The following EVI5 variants were observed in gnomAD, a reference collection of about 807,000 sequenced individuals.
EVI5 encodes the protein ecotropic viral integration site 5 protein homolog.
In EVI5, 73 loss-of-function variants were observed where a neutral mutation model predicts 112.0. That is an observed-to-expected ratio of 0.65 (90% CI 0.54 to 0.79). EVI5 has a LOEUF of 0.79. Among genes scored for constraint, EVI5 ranks in the 30% least tolerant of loss-of-function variants. The pLI, the probability that EVI5 is intolerant of heterozygous loss-of-function variation, is 0.00. For synonymous variants in EVI5, 305 were observed against 319.9 expected, an observed-to-expected ratio of 0.95 and a Z score of 0.50; for missense variants, 900 against 968.8, an observed-to-expected ratio of 0.93 and a Z score of 0.94.
At chr1:92,776,355 G>A (rs1048360482) in intron 1 of EVI5, among the ~76,000 whole-genome samples, 24 of 152,038 alleles carry the variant, frequency 1.6e-4, no homozygotes, top group East Asian at 9.6e-4. Flanking sequence ...AGCAACATTT[G>A]GGAAGCTACT....
intron 2 of EVI5, among the ~76,000 whole-genome samples, chr1:92,719,117 C>T (rs1457092623): frequency 6.6e-6 from 1 of 150,566 alleles, no homozygotes; most frequent in Non-Finnish European, 1.5e-5. Context: ...ACCAGAGGTA[C>T]AAAGAGGAGA....
intron 14 of EVI5, among the ~76,000 whole-genome samples, chr1:92,630,341 C>T (rs1656729201): frequency 6.6e-6 from 1 of 152,202 alleles, no homozygotes; most frequent in South Asian, 2.1e-4. Context: ...TGTTTCCTGA[C>T]TTTTTAATGA....
chr1:92,661,824 C>T (rs1297912620), intron 13 of EVI5, among the ~76,000 whole-genome samples: 2 of 152,122 alleles, frequency 1.3e-5, no homozygotes, highest in Admixed American at 6.5e-5. Flanking sequence ...TCCTACTTTG[C>T]AGTCACTCTA....
At chr1:92,630,463 CTTCTT>C (rs1656769800) in intron 14 of EVI5, among the ~76,000 whole-genome samples, 1 of 152,146 alleles carries the variant, frequency 6.6e-6, no homozygotes. Context: ...GCATAAGTGT[CTTCTT>C]TTGAGAAGTG....
Position 92,791,887 on chromosome 1 carries a change from C to T in EVI5, c.51+457G>A, listed in dbSNP as rs191534918. Among the ~76,000 whole-genome samples the T allele has an allele frequency of 1.7e-3, 254 of 152,310 alleles. 3 individuals are homozygous for T. Among genetic ancestry groups the T allele is most frequent in the Admixed American group, 0.013 (203 of 15,302 alleles). On this transcript the variant is annotated intron_variant, in intron 1 of 17. Transcript: ENST00000370331. ...CTTCTGAAATCATTGAGAGGCCATG[C>T]AACCATCAACACTGTCACCAAATAG...
rs35991116 is a variant in EVI5 at position 92,651,850 on chromosome 1, C to CAAA, written c.1392+10866_1392+10868dup. On this transcript the variant is annotated intron_variant, in intron 13 of 19. Coordinates refer to ENST00000684568, the MANE Select transcript of EVI5 (RefSeq NM_001350197.2). The stretch of plus-strand genomic sequence containing the variant: ...TGGGCGACAGAGCGAGACTCCGTCT[C>CAAA]AAAAAAAAAAAAAAAAGAAAGAAAT... 6.4e-3 allele frequency among the ~76,000 whole-genome samples: 578 copies of CAAA among 90,604 alleles called. 9 individuals are homozygous for CAAA. Among genetic ancestry groups the CAAA allele is most frequent in the African/African-American group, 0.032 (551 of 17,058 alleles). 59.4% of individuals were successfully genotyped at this position (90,604 alleles called of 152,430 possible).
chr1:92,625,771 G>T, intron 15 of EVI5, 23 bp downstream of exon 15: 1 of 1,600,720 alleles, frequency 6.2e-7, no homozygotes, highest in Non-Finnish European at 8.5e-7. Flanking sequence ...TTTTAAAAAA[G>T]CACACAAAAT....
At chr1:92,602,012 A>G (rs143728004) in intron 18 of EVI5, among the ~76,000 whole-genome samples, 6 of 152,192 alleles carry the variant, frequency 3.9e-5, no homozygotes, top group Non-Finnish European at 7.3e-5. Context: ...CAGTTGGCTC[A>G]TGTCTGAGGT....
chr1:92,711,168 TTC>T (rs1231075101), intron 2 of EVI5, among the ~76,000 whole-genome samples: 1 of 152,160 alleles, frequency 6.6e-6, no homozygotes, highest in African/African-American at 2.4e-5. Context: ...AAAGAATGAG[TTC>T]TCTTTTGAGT....
chr1:92,713,875 C>T (rs901134856), intron 2 of EVI5: 4 of 238,502 alleles, frequency 1.7e-5, no homozygotes, highest in South Asian at 1.5e-4. Flanking sequence ...AATATAAAAA[C>T]GGAACAAATA....
chr1:92,624,864 C>T (rs1043143429), intron 15 of EVI5, among the ~76,000 whole-genome samples: 2 of 152,142 alleles, frequency 1.3e-5, no homozygotes, highest in East Asian at 1.9e-4. Context: ...AATTTTGCCC[C>T]GCCAGGGGAC....
intron 1 of EVI5, among the ~76,000 whole-genome samples, chr1:92,740,385 A>G (rs1393326685): frequency 6.6e-6 from 1 of 152,178 alleles, no homozygotes; most frequent in Non-Finnish European, 1.5e-5. Context: ...TAGCTTCTCC[A>G]AAGTACCTGC....
chr1:92,774,130 T>A (rs887430008), intron 1 of EVI5: 3 of 152,164 alleles, frequency 2.0e-5, no homozygotes, highest in Non-Finnish European at 2.9e-5. Context: ...AAACTGCAGA[T>A]AAGGGAGGAC....
In EVI5 at chr1:92,662,862, GT is replaced by G; in HGVS notation, c.1248del (p.Gln417LysfsTer2). ...SASLADRLIQGQVTRAQEAEE... is the reference protein window; with the variant it reads ...SASLADRLIQXQVTRAQEAEE... ...TCAGCCTCCTGGGCTCTTGTCACTT[GT>G]CCCTTAGGACATAATTTTTGTGTGT... On this transcript the variant is annotated frameshift_variant and splice_region_variant, in exon 13 of 20. Coordinates refer to ENST00000684568, the MANE Select transcript of EVI5 (RefSeq NM_001350197.2). LOFTEE classifies it high-confidence loss of function. 1 of 1,281,708 alleles carries G rather than the reference GT, an allele frequency of 7.8e-7. No individual in the cohort carries two copies. The highest frequency in any genetic ancestry group is 1.0e-6 in the Non-Finnish European group (1 of 986,390). The allele number at this position is 1,281,708 out of a possible 1,614,324, so 79.4% of individuals were successfully genotyped here.
chr1:92,784,136 G>A (rs772388916), intron 1 of EVI5: 2 of 198,520 alleles, frequency 1.0e-5, no homozygotes, highest in Non-Finnish European at 1.8e-5. Flanking sequence ...TTAACTCTTG[G>A]GTGAAAGGAT....
chr1:92,728,318 G>T (rs1006874330), intron 2 of EVI5, among the ~76,000 whole-genome samples: 1 of 151,494 alleles, frequency 6.6e-6, no homozygotes, highest in African/African-American at 2.4e-5. Context: ...TAAACAGAAA[G>T]CCAACAAAGA....
chr1:92,610,679 A>T (rs914775804), intron 16 of EVI5, among the ~76,000 whole-genome samples: 1 of 152,196 alleles, frequency 6.6e-6, no homozygotes, highest in African/African-American at 2.4e-5. Flanking sequence ...AATGGGTTAG[A>T]TTGGAGATTA....
intron 13 of EVI5, among the ~76,000 whole-genome samples, chr1:92,661,426 T>C (rs923484512): frequency 6.6e-6 from 1 of 152,152 alleles, no homozygotes; most frequent in Non-Finnish European, 1.5e-5. Context: ...TGAAAAACAA[T>C]GTAAAAAATT....
At chr1:92,532,375 A>G (rs1352910025) in intron 19 of EVI5, among the ~76,000 whole-genome samples, 3 of 152,196 alleles carry the variant, frequency 2.0e-5, no homozygotes, top group Admixed American at 6.5e-5. Flanking sequence ...AGACAGATCA[A>G]TAAGACAGAA....
Sources: allele counts gnomAD v4.1 joint callset (sites outside exome capture counted in the v4.1 genomes callset), GRCh38; gene constraint gnomAD v4.1.1; transcripts MANE v1.5; gene names NCBI Gene and HGNC (gene_info 2026-07-23, HGNC 2026-07-21).